NLGN1: variants seen among roughly 807,000 people sequenced by gnomAD.
NLGN1 encodes neuroligin-1.
Under a neutral mutation model 65.5 loss-of-function variants are expected in NLGN1, and 12 were observed. The observed-to-expected ratio is 0.18, with a 90% CI of 0.12 to 0.30. The LOEUF is 0.30. NLGN1 is among the 10% of genes least tolerant of loss of function. NLGN1 has a pLI of 1.00. For synonymous variants in NLGN1, 350 were observed against 359.5 expected, an observed-to-expected ratio of 0.97 and a Z score of 0.30; for missense variants, 750 against 1,007.1, an observed-to-expected ratio of 0.74 and a Z score of 3.46.
At chr3:174,219,747 A>T (rs972618364) in intron 4 of NLGN1, among the ~76,000 whole-genome samples, 2 of 152,174 alleles carry the variant, frequency 1.3e-5, no homozygotes, top group African/African-American at 4.8e-5. Flanking sequence ...ATAAACGTTC[A>T]TTGATGTGAA....
At chr3:173,918,594 T>C (rs1741219971) in intron 4 of NLGN1, among the ~76,000 whole-genome samples, 2 of 143,752 alleles carry the variant, frequency 1.4e-5, no homozygotes, top group African/African-American at 2.6e-5. Flanking sequence ...AACCACACCA[T>C]TGCACTCCAG....
At chr3:173,464,190 A>G (rs1723881127) in intron 2 of NLGN1, among the ~76,000 whole-genome samples, 1 of 152,140 alleles carries the variant, frequency 6.6e-6, no homozygotes, top group African/African-American at 2.4e-5. Context: ...ATGGAGAAGC[A>G]TGATATGATA....
intron 4 of NLGN1, among the ~76,000 whole-genome samples, chr3:173,978,372 G>A (rs1221516603): frequency 1.3e-5 from 2 of 152,074 alleles, no homozygotes; most frequent in Non-Finnish European, 2.9e-5. Flanking sequence ...GAAATTTTTA[G>A]TTTAGTTATG....
intron 4 of NLGN1, among the ~76,000 whole-genome samples, chr3:174,240,235 G>C (rs1742530062): frequency 6.6e-6 from 1 of 151,986 alleles, no homozygotes; most frequent in African/African-American, 2.4e-5. Context: ...TACTTAAAAA[G>C]TTCTCTTGTA....
chr3:173,498,218 C>T (rs1730366149), intron 2 of NLGN1, among the ~76,000 whole-genome samples: 1 of 151,540 alleles, frequency 6.6e-6, no homozygotes, highest in African/African-American at 2.4e-5. Context: ...CCCCACCCCA[C>T]AACAGTCCCC....
At chr3:173,674,026 T>C (rs1481948020) in intron 3 of NLGN1, among the ~76,000 whole-genome samples, 2 of 152,132 alleles carry the variant, frequency 1.3e-5, no homozygotes, top group African/African-American at 4.8e-5. Context: ...CTACACTCTA[T>C]GGAGAGGATA....
chr3:173,932,876 G>C (rs1156482505), intron 4 of NLGN1, among the ~76,000 whole-genome samples: 1 of 152,132 alleles, frequency 6.6e-6, no homozygotes, highest in Non-Finnish European at 1.5e-5. Flanking sequence ...AGGAGGTGCT[G>C]TATTATAGCT....
At chr3:174,004,371 A>G (rs369235984) in intron 4 of NLGN1, among the ~76,000 whole-genome samples, 34 of 152,078 alleles carry the variant, frequency 2.2e-4, no homozygotes, top group Middle Eastern at 6.8e-3. Flanking sequence ...GTAGATTTAT[A>G]GTAGCTTGTT....
chr3:174,118,916 A>G (rs1717153837), intron 4 of NLGN1, among the ~76,000 whole-genome samples: 1 of 152,158 alleles, frequency 6.6e-6, no homozygotes, highest in Non-Finnish European at 1.5e-5. Context: ...TCTTCATGTT[A>G]TATAGTAAAA....
intron 4 of NLGN1, among the ~76,000 whole-genome samples, chr3:174,094,391 C>T (rs1043496073): frequency 6.6e-6 from 1 of 151,786 alleles, no homozygotes; most frequent in Non-Finnish European, 1.5e-5. Context: ...TGGTGGGCCG[C>T]ATGTGACCTA....
chr3:173,727,079 A>G (rs558295520), intron 3 of NLGN1, among the ~76,000 whole-genome samples: 10 of 152,294 alleles, frequency 6.6e-5, no homozygotes, highest in Non-Finnish European at 1.2e-4. Flanking sequence ...GCGTCTATCA[A>G]TTGAGAAGAG....
At chr3:173,839,669 C>G (rs1157218149) in intron 4 of NLGN1, among the ~76,000 whole-genome samples, 1 of 152,072 alleles carries the variant, frequency 6.6e-6, no homozygotes, top group Non-Finnish European at 1.5e-5. Context: ...GATCCACCTG[C>G]CTCTGCCTCC....
intron 2 of NLGN1, among the ~76,000 whole-genome samples, chr3:173,547,696 TGG>T (rs1357521377): frequency 1.3e-5 from 2 of 152,150 alleles, no homozygotes; most frequent in African/African-American, 4.8e-5. Flanking sequence ...TTTATTGCAT[TGG>T]GATGAGAATA....
At chr3:173,975,418 C>A (rs1047872851) in intron 4 of NLGN1, among the ~76,000 whole-genome samples, 2 of 151,924 alleles carry the variant, frequency 1.3e-5, no homozygotes, top group Admixed American at 1.3e-4. Context: ...ATTATTATAT[C>A]AGAAAAAGTT....
At position 174,257,843 on chromosome 3, in the gene NLGN1, G is replaced by A. The variant is rs1038386815; in HGVS notation, c.647-17472G>A. On this transcript the variant is annotated intron_variant, in intron 4 of 6. Transcript: ENST00000457714. ...GTTAATACTGAGTGTCAACTTGATT[G>A]GATTGAAGGATACAAAGTATTGATC... is the stretch of plus-strand genomic sequence containing the variant. Among the ~76,000 whole-genome samples, 2 of 150,904 alleles carry A rather than the reference G, an allele frequency of 1.3e-5. 1 individual carries two copies. The highest frequency in any genetic ancestry group is 1.3e-4 in the Admixed American group (2 of 15,124).
intron 3 of NLGN1, among the ~76,000 whole-genome samples, chr3:173,702,591 T>A (rs1331880699): frequency 3.9e-5 from 6 of 152,216 alleles, no homozygotes; most frequent in Non-Finnish European, 1.5e-5. Flanking sequence ...TAAAAGAACA[T>A]CATATGATTT....
chr3:173,667,824 G>T (rs1761923581), intron 3 of NLGN1, among the ~76,000 whole-genome samples: 1 of 151,898 alleles, frequency 6.6e-6, no homozygotes, highest in African/African-American at 2.4e-5. Context: ...GTAGAGTCGG[G>T]GTTTCACCAT....
chr3:173,457,582 T>C (rs939555198), intron 2 of NLGN1, among the ~76,000 whole-genome samples: 7 of 152,112 alleles, frequency 4.6e-5, no homozygotes, highest in Admixed American at 2.6e-4. Flanking sequence ...TGTGATCCTA[T>C]CTATATTTAC....
intron 4 of NLGN1, among the ~76,000 whole-genome samples, chr3:174,269,948 T>C (rs1749026623): frequency 6.6e-6 from 1 of 151,932 alleles, no homozygotes; most frequent in African/African-American, 2.4e-5. Flanking sequence ...CATGTGTTTA[T>C]TGTCCATTTG....
Sources: gnomAD v4.1 joint callset for allele counts (sites outside exome capture counted in the v4.1 genomes callset) on GRCh38, gnomAD v4.1.1 for gene constraint, MANE v1.5 for transcripts, NCBI Gene and HGNC (gene_info 2026-07-23, HGNC 2026-07-21) for gene names.